Variants in KIF24 observed in about 807,000 individuals in gnomAD.
KIF24 encodes the protein kinesin-like protein KIF24.
A neutral mutation model predicts 118.9 loss-of-function variants in KIF24; 81 were observed. The observed-to-expected ratio is 0.68, with a 90% CI of 0.57 to 0.82. KIF24 has a LOEUF of 0.82. Ranked by LOEUF, KIF24 falls within the 40% of genes least tolerant of loss-of-function variation. KIF24 has a pLI of 0.00. For missense variants in KIF24, 1,560 were observed against 1,661.6 expected (o/e 0.94, Z 1.06); for synonymous variants, 599 against 610.0 (o/e 0.98, Z 0.27).
chr9:34,312,198 T>G (rs914566104), intron 1 of KIF24, among the ~76,000 whole-genome samples: 9 of 152,172 alleles, frequency 5.9e-5, no homozygotes, highest in African/African-American at 2.2e-4. Context: ...TTCCAAAAGG[T>G]GGTCATCGAT....
chr9:34,299,619 G>A (rs1341028983), intron 3 of KIF24, among the ~76,000 whole-genome samples: 4 of 151,974 alleles, frequency 2.6e-5, no homozygotes, highest in Non-Finnish European at 5.9e-5. Context: ...GATACACTTA[G>A]AATAGGTAAC....
chr9:34,307,823 T>G (rs1836986228), intron 2 of KIF24, among the ~76,000 whole-genome samples: 2 of 142,538 alleles, frequency 1.4e-5, no homozygotes, highest in South Asian at 4.3e-4. Flanking sequence ...ATAGTGCCAT[T>G]GCATTCCAGC....
intron 9 of KIF24, among the ~76,000 whole-genome samples, chr9:34,262,675 A>AAAAT (rs1554659805): frequency 3.7e-5 from 1 of 27,066 alleles, no homozygotes; most frequent in African/African-American, 1.8e-4. Flanking sequence ...AAAAAAAAAA[A>AAAAT]ATATATATAT....
At chr9:34,264,411 C>T (rs1378510670) in intron 8 of KIF24, among the ~76,000 whole-genome samples, 1 of 148,362 alleles carries the variant, frequency 6.7e-6, no homozygotes. Context: ...GCCTGGGTGA[C>T]AGAGCGAGAC....
In KIF24 at chr9:34,259,684, C is replaced by T. The variant is rs558368746; in HGVS notation, c.1537G>A (p.Gly513Ser). 10 of 1,613,662 alleles carry T rather than the reference C, an allele frequency of 6.2e-6. No homozygotes were observed. The highest frequency in any genetic ancestry group is 1.6e-4 in the Middle Eastern group (1 of 6,062). Residue 513 changes from glycine to serine, a missense_variant, in exon 10 of 13, where the codon GGC becomes AGC. Physicochemically the swap from Gly to Ser is moderately conservative, Grantham distance 56 (BLOSUM62 0). This residue lies in a region of KIF24 where 964 missense variants were observed against 988.0 expected (regional missense o/e 0.98). Transcript: ENST00000402558. ...GCGATCATGCAGGTTTTGGCATTGC[C>T]GATGAAAGAGTCCTTCAGGACCTGT... Reference protein sequence around the residue: ...LTQVLKDSFIGNAKTCMIANI... With the variant: ...LTQVLKDSFISNAKTCMIANI...
chr9:34,288,146 T>A (rs747512283), intron 5 of KIF24, among the ~76,000 whole-genome samples: 9 of 152,040 alleles, frequency 5.9e-5, no homozygotes, highest in Admixed American at 1.3e-4. Flanking sequence ...ACATACATAC[T>A]TTTGTCTACC....
chr9:34,327,684 A>G (rs898685381), intron 1 of KIF24, among the ~76,000 whole-genome samples: 1 of 152,058 alleles, frequency 6.6e-6, no homozygotes, highest in African/African-American at 2.4e-5. Flanking sequence ...TTGAGAGTAG[A>G]GCCACAGGAA....
In KIF24 at chr9:34,318,298, G is replaced by C. The variant is rs766479037; in HGVS notation, c.-25-6927C>G. Reference sequence around the variant, plus strand: ...GAAGAGTAGAATCGTGTCGCGGCTCGAGAGCGAGACTCCCGTCTTGGAGCC... The same window carrying C: ...GAAGAGTAGAATCGTGTCGCGGCTCCAGAGCGAGACTCCCGTCTTGGAGCC... On this transcript the variant is annotated intron_variant, in intron 1 of 12. Transcript: ENST00000402558. This position sits in a 1 kb window ranked among gnomAD's most constrained non-coding sequence, Gnocchi z 4.9. 2 of 558,508 alleles carry C rather than the reference G, an allele frequency of 3.6e-6. No individual in the cohort carries two copies. Among genetic ancestry groups the C allele is most frequent in the East Asian group, 3.4e-5 (1 of 29,006 alleles). The allele number at this position is 558,508 out of a possible 1,614,324, so 34.6% of individuals were successfully genotyped here. A position where few individuals can be genotyped will look rare whatever the true frequency, so the allele number is the denominator to read the frequency against.
At chr9:34,333,463 C>A (rs962901648), upstream of KIF24, among the ~76,000 whole-genome samples, 1 of 151,450 alleles carries the variant, frequency 6.6e-6, no homozygotes, top group Non-Finnish European at 1.5e-5. Context: ...CCCATCTCTA[C>A]AAAAAAAGTG....
intron 5 of KIF24, among the ~76,000 whole-genome samples, chr9:34,289,319 C>G (rs532141596): frequency 8.8e-4 from 134 of 152,308 alleles, no homozygotes; most frequent in African/African-American, 3.0e-3. Flanking sequence ...CATTCCATTG[C>G]TTGCTTGGAG....
intron 3 of KIF24, among the ~76,000 whole-genome samples, chr9:34,302,182 G>C (rs1836743605): frequency 6.6e-6 from 1 of 151,672 alleles, no homozygotes; most frequent in African/African-American, 2.4e-5. Context: ...TTTTAGTAGA[G>C]ACGAGGTTTC....
At chr9:34,285,453 C>T (rs780661701) in intron 6 of KIF24, among the ~76,000 whole-genome samples, 5 of 152,014 alleles carry the variant, frequency 3.3e-5, no homozygotes, top group Non-Finnish European at 7.4e-5. Flanking sequence ...CACAGCAAGA[C>T]ACCATCTCTA....
rs150961748 is a variant in KIF24 at position 34,257,835 on chromosome 9, C to A, written c.1772G>T (p.Gly591Val). ...DKCSPKKVKLGFQQSLTVAAP... is the reference protein window; with the variant it reads ...DKCSPKKVKLVFQQSLTVAAP... ...TGCCACTGTGAGTGACTGCTGAAAT[C>A]CCAGCTTGACTTTTTTGGGAGAACA... The change falls in exon 11 of 13, where the codon GGA becomes GTA. Residue 591 changes from glycine to valine, a missense_variant. Gly to Val is a moderately radical substitution (Grantham distance 109, BLOSUM62 -3). Around this residue, in one of 3 missense-constraint regions of KIF24, gnomAD observed 964 missense variants for 988.0 expected, o/e 0.98. Transcript: ENST00000402558. The A allele has an allele frequency of 7.1e-5, 115 of 1,614,026 alleles. 1 individual carries two copies. The African/African-American group carries it at 1.2e-3, about 17-fold the overall frequency.
chr9:34,328,763 C>T (rs34871820), intron 1 of KIF24, among the ~76,000 whole-genome samples: 6,224 of 152,262 alleles, frequency 0.041, 170 homozygotes, highest in Middle Eastern at 0.075. Context: ...ACGGGCTTCC[C>T]GGAAGTAAAC....
chr9:34,278,580 A>G (rs1835739889), intron 6 of KIF24, among the ~76,000 whole-genome samples: 1 of 152,036 alleles, frequency 6.6e-6, no homozygotes, highest in Admixed American at 6.6e-5. Context: ...ACCAAAAAAA[A>G]AAAAAAAGGA....
chr9:34,290,459 T>C, intron 4 of KIF24, 70 bp from the exon 5 acceptor site: 1 of 951,874 alleles, frequency 1.1e-6, no homozygotes, highest in Non-Finnish European at 1.6e-6. Flanking sequence ...AGATTTTTAA[T>C]GACAAAGGTC....
At chr9:34,321,262 G>T (rs1837510569) in intron 1 of KIF24, among the ~76,000 whole-genome samples, 1 of 152,022 alleles carries the variant, frequency 6.6e-6, no homozygotes. Context: ...GACTACCAAA[G>T]TGTTTGCGCA....
chr9:34,284,601 T>C (rs1357546228), intron 6 of KIF24, among the ~76,000 whole-genome samples: 1 of 152,142 alleles, frequency 6.6e-6, no homozygotes, highest in Non-Finnish European at 1.5e-5. Context: ...AAATACACAG[T>C]GTAGTTCTAC....
rs1420052648 is a variant in KIF24, at chr9:34,277,627, T to C, written c.1216-5697A>G. ...CCATAATGTACTGGGTATCTCTAAGTGCATCTCAGAGACCTAACATGTTGA... is the reference window on the plus strand; with the variant it reads ...CCATAATGTACTGGGTATCTCTAAGCGCATCTCAGAGACCTAACATGTTGA... On this transcript the variant is annotated intron_variant, in intron 6 of 12. Coordinates refer to ENST00000402558, the MANE Select transcript of KIF24 (RefSeq NM_194313.4). 1.1e-4 allele frequency among the ~76,000 whole-genome samples: 17 copies of C among 152,198 alleles called. No individual in the cohort carries two copies. The South Asian group carries it at 3.3e-3, about 30-fold the overall frequency.
Sources: allele counts gnomAD v4.1 joint callset (sites outside exome capture counted in the v4.1 genomes callset), GRCh38; gene constraint gnomAD v4.1.1; regional missense constraint gnomAD v4.1.1; non-coding constraint Gnocchi (gnomAD v3.1); transcripts MANE v1.5; gene names NCBI Gene and HGNC (gene_info 2026-07-23, HGNC 2026-07-21).